The following TMEM116 variants were observed in gnomAD, a reference collection of about 807,000 sequenced individuals.
The protein encoded by TMEM116 is transmembrane protein 116.
TMEM116 carries 38 observed loss-of-function variants against 44.3 expected under a neutral mutation model. The ratio of observed to expected loss-of-function variants is 0.86; its 90% CI spans 0.66 to 1.12. The LOEUF is 1.12. TMEM116 is among the 50% of genes most tolerant of loss of function. TMEM116 has a pLI of 0.00. For synonymous variants in TMEM116, 132 were observed against 144.8 expected, an observed-to-expected ratio of 0.91 and a Z score of 0.64; for missense variants, 354 against 401.7, an observed-to-expected ratio of 0.88 and a Z score of 1.01.
chr12:112,008,081 G>C (rs1173048196), intron 1 of TMEM116, among the ~76,000 whole-genome samples: 1 of 152,168 alleles, frequency 6.6e-6, no homozygotes, highest in African/African-American at 2.4e-5. Flanking sequence ...TACTCAGCAG[G>C]CTGCGGCAGG....
intron 4 of TMEM116, among the ~76,000 whole-genome samples, chr12:111,959,590 T>C (rs2074423878): frequency 6.6e-6 from 1 of 152,156 alleles, no homozygotes; most frequent in Non-Finnish European, 1.5e-5. Context: ...GTGTACTGTA[T>C]TCAGGAGACC....
At chr12:111,985,025 A>G (rs994704006) in intron 4 of TMEM116, among the ~76,000 whole-genome samples, 10 of 152,076 alleles carry the variant, frequency 6.6e-5, no homozygotes, top group Non-Finnish European at 1.3e-4. Context: ...TCAATGATGA[A>G]AGACAAAGTC....
At chr12:112,006,081 C>T (rs1413077489) in intron 1 of TMEM116, 1 of 589,464 alleles carries the variant, frequency 1.7e-6, no homozygotes, top group Non-Finnish European at 2.1e-6. Context: ...GGTGGCTCCA[C>T]CCCTATCCCA....
At chr12:111,945,122 T>C (rs1461140952) in intron 4 of TMEM116, among the ~76,000 whole-genome samples, 2 of 141,752 alleles carry the variant, frequency 1.4e-5, no homozygotes, top group Non-Finnish European at 3.1e-5. Context: ...CAGGCAAACC[T>C]TGAAAAGGTC....
At chr12:111,941,022 G>A (rs951874551) in intron 5 of TMEM116, among the ~76,000 whole-genome samples, 3 of 152,166 alleles carry the variant, frequency 2.0e-5, no homozygotes, top group African/African-American at 7.2e-5. Flanking sequence ...GAATACTAAA[G>A]GATATATAGC....
At chr12:111,985,243 T>G (rs1455544663) in intron 4 of TMEM116, among the ~76,000 whole-genome samples, 1 of 151,408 alleles carries the variant, frequency 6.6e-6, no homozygotes, top group Non-Finnish European at 1.5e-5. Flanking sequence ...TGTTTGCAGA[T>G]AACACGATCT....
chr12:111,940,561 A>ATGTG (rs1166549648), intron 5 of TMEM116, among the ~76,000 whole-genome samples: 1 of 128,320 alleles, frequency 7.8e-6, no homozygotes, highest in African/African-American at 3.1e-5. Flanking sequence ...ACACATATAT[A>ATGTG]TGTGTGTATA....
chr12:111,940,565 GTGTA>G (rs1267316008), intron 5 of TMEM116, among the ~76,000 whole-genome samples: 7 of 127,922 alleles, frequency 5.5e-5, no homozygotes, highest in Admixed American at 1.8e-4. Flanking sequence ...ATATATATGT[GTGTA>G]TATATATATA....
chr12:111,989,110 T>G (rs1171022857), intron 4 of TMEM116, among the ~76,000 whole-genome samples: 1 of 152,154 alleles, frequency 6.6e-6, no homozygotes, highest in Non-Finnish European at 1.5e-5. Flanking sequence ...AACAACCACT[T>G]GAAGACTCTG....
intron 4 of TMEM116, among the ~76,000 whole-genome samples, chr12:111,969,481 G>A (rs1261885999): frequency 6.6e-6 from 1 of 151,482 alleles, no homozygotes; most frequent in East Asian, 1.9e-4. Context: ...AACCATCTCC[G>A]TCTCCTGGGT....
intron 1 of TMEM116, chr12:112,012,001 C>A (rs1027615406): frequency 1.3e-5 from 2 of 152,148 alleles, no homozygotes; most frequent in Admixed American, 6.6e-5. Context: ...TTGGTGAGAC[C>A]CTTTCGAATC....
At chr12:112,001,674 GT>G (rs2077266844) in intron 3 of TMEM116, among the ~76,000 whole-genome samples, 1 of 152,166 alleles carries the variant, frequency 6.6e-6, no homozygotes, top group Non-Finnish European at 1.5e-5. Flanking sequence ...CTGTGTGTAA[GT>G]CATACTTTAT....
At chr12:111,987,884 A>G (rs2076314616) in intron 4 of TMEM116, among the ~76,000 whole-genome samples, 1 of 152,198 alleles carries the variant, frequency 6.6e-6, no homozygotes, top group South Asian at 2.1e-4. Context: ...TGTTAATAGT[A>G]GCGTTATTCA....
chr12:111,972,297 TACTA>T lies in TMEM116; in HGVS notation c.210+19457_210+19460del, dbSNP rs774682427. The stretch of plus-strand genomic sequence containing the variant: ...TCACTTAATCAAGAGGTCATAAAAA[TACTA>T]ACTGTTTATGTACCTAATAAAAGAG... On this transcript the variant is annotated intron_variant, in intron 4 of 10. Transcript: ENST00000552374. 4.6e-5 allele frequency among the ~76,000 whole-genome samples: 7 copies of T among 152,066 alleles called. No individual in the cohort carries two copies. The South Asian group carries it at 6.2e-4, about 13-fold the overall frequency.
rs534630152 is a variant in TMEM116 at position 111,992,269 on chromosome 12, C to CT, written c.79-381dup. The stretch of plus-strand genomic sequence containing the variant: ...TTAGTGGCACAGGCAACATCTTCTA[C>CT]TTTTTTTTTTTTTTTTTGGAGACAG... On this transcript the variant is annotated intron_variant, in intron 3 of 10. Coordinates refer to ENST00000552374, the MANE Select transcript of TMEM116 (RefSeq NM_001193531.2). 2.9e-3 allele frequency among the ~76,000 whole-genome samples: 399 copies of CT among 139,290 alleles called. 1 individual carries two copies. The highest frequency in any genetic ancestry group is 3.6e-3 in the Middle Eastern group (1 of 276). 91.4% of individuals were successfully genotyped at this position (139,290 alleles called of 152,430 possible).
At chr12:111,963,759 T>C (rs2074782560) in intron 4 of TMEM116, among the ~76,000 whole-genome samples, 2 of 152,154 alleles carry the variant, frequency 1.3e-5, no homozygotes, top group Non-Finnish European at 2.9e-5. Context: ...GGCACATGTA[T>C]ACCTATGTAA....
intron 4 of TMEM116, among the ~76,000 whole-genome samples, chr12:111,984,553 T>C (rs1201731622): frequency 6.6e-6 from 1 of 152,154 alleles, no homozygotes; most frequent in African/African-American, 2.4e-5. Context: ...ACAAGGTGAC[T>C]ATAGTCAACA....
intron 4 of TMEM116, among the ~76,000 whole-genome samples, chr12:111,986,580 C>T (rs1298152193): frequency 5.3e-5 from 8 of 152,068 alleles, no homozygotes; most frequent in East Asian, 3.9e-4. Flanking sequence ...AAGTCTAAGG[C>T]GGGAGGACTG....
chr12:111,948,058 A>C (rs1364841816), intron 4 of TMEM116, among the ~76,000 whole-genome samples: 1 of 152,192 alleles, frequency 6.6e-6, no homozygotes, highest in African/African-American at 2.4e-5. Flanking sequence ...TGTTTTCCAA[A>C]TTTTAAAAAC....
Sources: allele counts gnomAD v4.1 joint callset (sites outside exome capture counted in the v4.1 genomes callset), GRCh38; gene constraint gnomAD v4.1.1; transcripts MANE v1.5; gene names NCBI Gene and HGNC (gene_info 2026-07-23, HGNC 2026-07-21).